The following SLC7A14 variants were observed in gnomAD, a reference collection of about 807,000 sequenced individuals.
SLC7A14 encodes solute carrier family 7 member 14, also known as gamma-aminobutyric acid transporter SLC7A14.
SLC7A14 carries 37 observed loss-of-function variants against 60.2 expected under a neutral mutation model. The ratio of observed to expected loss-of-function variants is 0.61; its 90% CI spans 0.47 to 0.81. The LOEUF (loss-of-function observed/expected upper bound fraction) is 0.81, where lower values mean the gene tolerates loss of function less well. SLC7A14 is among the 30% of genes least tolerant of loss of function. The probability of loss-of-function intolerance (pLI) is 0.00; values close to 1 mark genes in which losing one functional copy is unlikely to be tolerated. For missense variants in SLC7A14, 886 were observed against 982.7 expected (o/e 0.90, Z 1.32); for synonymous variants, 399 against 395.8 (o/e 1.01, Z -0.10).
chr3:170,556,482 G>A (rs1714488090), intron 1 of SLC7A14, among the ~76,000 whole-genome samples: 1 of 152,156 alleles, frequency 6.6e-6, no homozygotes, highest in South Asian at 2.1e-4. Context: ...GGTTTTGTGG[G>A]AGGACTAAAT....
rs774948709 is a variant in SLC7A14 at position 170,486,314 on chromosome 3, C to T, written c.814G>A (p.Ala272Thr). The stretch of plus-strand genomic sequence containing the variant: ...TTCTTGGCTTCCTCTCCAGTGGTGG[C>T]GATGATGTCAAAGCCAATGAAAGCG... ...FYAFIGFDII[A>T]TTGEEAKNPN... The change falls in exon 5 of 8, where the codon GCC becomes ACC. Residue 272 changes from alanine (A) to threonine (T), a missense_variant. Transcript: ENST00000231706. 9.3e-6 allele frequency: 15 copies of T among 1,614,018 alleles called. No individual in the cohort carries two copies. The highest frequency in any genetic ancestry group is 1.3e-5 in the African/African-American group (1 of 74,906).
chr3:170,514,172 A>G (rs2108287565), intron 2 of SLC7A14, among the ~76,000 whole-genome samples: 1 of 152,318 alleles, frequency 6.6e-6, no homozygotes, highest in Admixed American at 6.5e-5. Context: ...TGAACTAGCA[A>G]CATGAGGAGT....
At chr3:170,514,370 C>T (rs747388186) in intron 2 of SLC7A14, among the ~76,000 whole-genome samples, 1 of 152,208 alleles carries the variant, frequency 6.6e-6, no homozygotes, top group South Asian at 2.1e-4. Flanking sequence ...CCATGGCTGT[C>T]GGCAGGTACC....
At chr3:170,482,716 A>C (rs1328732693) in intron 6 of SLC7A14, among the ~76,000 whole-genome samples, 1 of 152,140 alleles carries the variant, frequency 6.6e-6, no homozygotes, top group East Asian at 1.9e-4. Context: ...TAGCTGAGGG[A>C]TTTGTGGCAA....
At chr3:170,484,019 A>G (rs1210577320) in intron 5 of SLC7A14, among the ~76,000 whole-genome samples, 3 of 152,202 alleles carry the variant, frequency 2.0e-5, no homozygotes, top group African/African-American at 4.8e-5. Context: ...CTCCAAAGAT[A>G]AGTGCTTAAG....
At chr3:170,533,927 T>A (rs1011592226) in intron 1 of SLC7A14, among the ~76,000 whole-genome samples, 1 of 152,220 alleles carries the variant, frequency 6.6e-6, no homozygotes, top group African/African-American at 2.4e-5. Flanking sequence ...ATGTGGAGTC[T>A]CAGACACAGC....
At chr3:170,560,036 T>A (rs565604480) in intron 1 of SLC7A14, among the ~76,000 whole-genome samples, 1 of 152,230 alleles carries the variant, frequency 6.6e-6, no homozygotes, top group Non-Finnish European at 1.5e-5. Flanking sequence ...AATGAGTGAC[T>A]TCAAGAATAA....
intron 1 of SLC7A14, among the ~76,000 whole-genome samples, chr3:170,568,348 G>A: frequency 6.6e-6 from 1 of 152,164 alleles, no homozygotes; most frequent in East Asian, 1.9e-4. Flanking sequence ...TGAGGGCTCT[G>A]TTGTGTTCCA....
rs1390166328 is a variant in SLC7A14, at chr3:170,495,701, G to A, written c.759+2966C>T. ...AGGTAGATCCCAATATCCAGGCCAT[G>A]CACACCCAGGAGAAGGAGCAGATCA... On this transcript the variant is annotated intron_variant, in intron 4 of 7. Transcript: ENST00000231706. 1.1e-4 allele frequency: 118 copies of A among 1,052,726 alleles called. 1 individual carries two copies. The highest frequency in any genetic ancestry group is 4.6e-5 in the Non-Finnish European group (31 of 670,752). The allele number at this position is 1,052,726 out of a possible 1,614,324, so 65.2% of individuals were successfully genotyped here. A position where few individuals can be genotyped will look rare whatever the true frequency, so the allele number is the denominator to read the frequency against.
intron 2 of SLC7A14, among the ~76,000 whole-genome samples, chr3:170,522,579 G>A (rs1713367804): frequency 6.6e-6 from 1 of 152,178 alleles, no homozygotes; most frequent in African/African-American, 2.4e-5. Context: ...ATAATGTTCT[G>A]GAAAGGGCAA....
At chr3:170,582,155 TG>T (rs1715253301) in intron 1 of SLC7A14, among the ~76,000 whole-genome samples, 1 of 152,226 alleles carries the variant, frequency 6.6e-6, no homozygotes, top group South Asian at 2.1e-4. Context: ...TAGGTATCTT[TG>T]GGCTACTGGT....
chr3:170,487,387 G>T (rs1365687540), intron 4 of SLC7A14, among the ~76,000 whole-genome samples: 1 of 151,674 alleles, frequency 6.6e-6, no homozygotes, highest in Non-Finnish European at 1.5e-5. Flanking sequence ...CTTTTAGAAG[G>T]TGAGAGATAT....
intron 1 of SLC7A14, among the ~76,000 whole-genome samples, chr3:170,550,238 T>G (rs1714304545): frequency 6.6e-6 from 1 of 152,216 alleles, no homozygotes; most frequent in Non-Finnish European, 1.5e-5. Flanking sequence ...AAAATCAATA[T>G]AGTGCACTTA....
chr3:170,494,577 AT>A (rs1236778280), intron 4 of SLC7A14, among the ~76,000 whole-genome samples: 4 of 152,236 alleles, frequency 2.6e-5, no homozygotes, highest in Non-Finnish European at 5.9e-5. Context: ...GGTAAAGAAC[AT>A]TTACACAGAG....
intron 5 of SLC7A14, 30 bp downstream of exon 5, chr3:170,486,192 A>G: frequency 6.2e-7 from 1 of 1,612,298 alleles, no homozygotes; most frequent in Non-Finnish European, 8.5e-7. Flanking sequence ...CCACATCGTG[A>G]GGAGGGTCCC....
chr3:170,489,414 C>T (rs1404482076), intron 4 of SLC7A14, among the ~76,000 whole-genome samples: 1 of 152,124 alleles, frequency 6.6e-6, no homozygotes, highest in Non-Finnish European at 1.5e-5. Context: ...CTTAAAATGG[C>T]TTATATCCAA....
rs1390536025 is a variant in SLC7A14 at position 170,464,142 on chromosome 3, G to A, written c.*2913C>T. Reference sequence around the variant, plus strand: ...GAGTTCCTCACTTAATTTTTGTTTTGTATTATATATATTTTAGTAGCTGCC... The same window carrying A: ...GAGTTCCTCACTTAATTTTTGTTTTATATTATATATATTTTAGTAGCTGCC... On this transcript the variant is annotated 3_prime_UTR_variant, in exon 8 of 8. Transcript: ENST00000231706. The A allele has an allele frequency of 5.9e-5, 9 of 151,862 alleles. No homozygotes were observed. The highest frequency in any genetic ancestry group is 1.2e-4 in the Non-Finnish European group (8 of 67,980). The allele number at this position is 151,862 out of a possible 1,614,324, so 9.4% of individuals were successfully genotyped here.
chr3:170,497,375 A>G (rs1712439773), intron 4 of SLC7A14, among the ~76,000 whole-genome samples: 1 of 152,222 alleles, frequency 6.6e-6, no homozygotes, highest in Non-Finnish European at 1.5e-5. Flanking sequence ...GGAGAAGACT[A>G]GGAATCTTGG....
chr3:170,491,737 A>T (rs1712227310), intron 4 of SLC7A14, among the ~76,000 whole-genome samples: 1 of 152,194 alleles, frequency 6.6e-6, no homozygotes, highest in South Asian at 2.1e-4. Flanking sequence ...AGCGAGGAAG[A>T]AATACTCTGG....
Sources: allele counts gnomAD v4.1 joint callset (sites outside exome capture counted in the v4.1 genomes callset), GRCh38; gene constraint gnomAD v4.1.1; transcripts MANE v1.5; gene names NCBI Gene and HGNC (gene_info 2026-07-23, HGNC 2026-07-21).